The following CCDC171 variants were observed in gnomAD, a reference collection of about 807,000 sequenced individuals.
CCDC171 encodes coiled-coil domain-containing protein 171.
Under a neutral mutation model 168.2 loss-of-function variants are expected in CCDC171, and 177 were observed. The observed-to-expected ratio is 1.05, with a 90% CI of 0.93 to 1.19. CCDC171 has a LOEUF of 1.19. Ranked by LOEUF, CCDC171 falls within the 50% of genes most tolerant of loss-of-function variation. The pLI is 0.00. For missense variants in CCDC171, 1,991 were observed against 1,539.0 expected, an observed-to-expected ratio of 1.29 and a Z score of -4.91; for synonymous variants, 687 against 540.8, an observed-to-expected ratio of 1.27 and a Z score of -3.75.
chr9:15,655,379 C>G (rs2047850618), intron 7 of CCDC171, among the ~76,000 whole-genome samples: 1 of 152,116 alleles, frequency 6.6e-6, no homozygotes, highest in Admixed American at 6.6e-5. Context: ...GCTGGATGTT[C>G]CCATAGTTCT....
intron 21 of CCDC171, among the ~76,000 whole-genome samples, chr9:15,794,354 A>G (rs2058438741): frequency 6.6e-6 from 1 of 152,096 alleles, no homozygotes; most frequent in South Asian, 2.1e-4. Flanking sequence ...AATCCCAGCT[A>G]GTCGGGAGGC....
At chr9:16,082,595 A>T in the CCDC171 span, among the ~76,000 whole-genome samples, 1 of 152,238 alleles carries the variant, frequency 6.6e-6, no homozygotes, top group Non-Finnish European at 1.5e-5. Context: ...ATTTCAAGTA[A>T]TCAAAGTATA....
intron 21 of CCDC171, among the ~76,000 whole-genome samples, chr9:15,792,602 C>A (rs2058326154): frequency 6.6e-6 from 1 of 152,016 alleles, no homozygotes; most frequent in Non-Finnish European, 1.5e-5. Context: ...AAAGGGAAGC[C>A]CATCAGACTA....
intron 24 of CCDC171, among the ~76,000 whole-genome samples, chr9:15,910,526 T>C (rs1434322563): frequency 3.3e-5 from 5 of 152,160 alleles, no homozygotes; most frequent in Non-Finnish European, 1.5e-5. Context: ...TTCTTTTTGC[T>C]TAGGATTGCT....
chr9:15,671,765 A>G (rs560304190), intron 9 of CCDC171, among the ~76,000 whole-genome samples: 1 of 152,194 alleles, frequency 6.6e-6, no homozygotes, highest in African/African-American at 2.4e-5. Flanking sequence ...TCATTGATGG[A>G]CATTTGAGTT....
intron 25 of CCDC171, among the ~76,000 whole-genome samples, chr9:15,938,837 C>G (rs1470393497): frequency 6.6e-6 from 1 of 151,766 alleles, no homozygotes; most frequent in Non-Finnish European, 1.5e-5. Flanking sequence ...TTTTTCTAGT[C>G]TCTACCACTT....
chr9:15,661,114 A>T (rs554022657), intron 8 of CCDC171, among the ~76,000 whole-genome samples: 2 of 152,048 alleles, frequency 1.3e-5, no homozygotes, highest in Non-Finnish European at 2.9e-5. Flanking sequence ...CCCCATCCCT[A>T]CTAAAAATAC....
Position 15,786,909 on chromosome 9 carries a change from A to C in CCDC171, c.3267+2215A>C, listed in dbSNP as rs60119179. On this transcript the variant is annotated intron_variant, in intron 21 of 25. Coordinates refer to ENST00000380701, the MANE Select transcript of CCDC171 (RefSeq NM_173550.4). ...CTTCAACTGTAGCTTTCCACTGCCT[A>C]CCCGAGTCCTACAAAGCTGCCCCTC... Among the ~76,000 whole-genome samples, 574 of 152,064 alleles carry C rather than the reference A, an allele frequency of 3.8e-3. 4 individuals carry two copies. Among genetic ancestry groups the C allele is most frequent in the African/African-American group, 0.013 (543 of 41,488 alleles).
chr9:16,085,316 A>G, the CCDC171 span, among the ~76,000 whole-genome samples: 3 of 152,226 alleles, frequency 2.0e-5, no homozygotes, highest in African/African-American at 7.2e-5. Context: ...GTCTTACGAC[A>G]CTGTTGGAAG....
chr9:15,663,684 C>T (rs1476430476), intron 8 of CCDC171, among the ~76,000 whole-genome samples: 2 of 149,660 alleles, frequency 1.3e-5, no homozygotes, highest in Non-Finnish European at 3.0e-5. Flanking sequence ...TGGCTCACTG[C>T]AAGCTCTGCC....
Position 15,744,457 on chromosome 9 carries a change from C to T in CCDC171, c.2234C>T (p.Ser745Leu). ...AGALYPLYSR[S>L]CALSTQRDFL... ...GCCTTATATCCCCTCTATAGCCGATCATGCGCCTTGTCTACACAGAGAGAT... is the reference window on the plus strand; with the variant it reads ...GCCTTATATCCCCTCTATAGCCGATTATGCGCCTTGTCTACACAGAGAGAT... Residue 745 changes from serine to leucine, a missense_variant, in exon 17 of 26, where the codon TCA becomes TTA. Transcript: ENST00000380701. 1.2e-6 allele frequency: 2 copies of T among 1,614,108 alleles called. No individual in the cohort carries two copies. Among genetic ancestry groups the T allele is most frequent in the African/African-American group, 1.3e-5 (1 of 75,032 alleles).
intron 16 of CCDC171, among the ~76,000 whole-genome samples, chr9:15,741,613 GTTAAT>G (rs2054885328): frequency 1.3e-5 from 2 of 151,992 alleles, no homozygotes; most frequent in South Asian, 4.1e-4. Flanking sequence ...TTTTTTGTAT[GTTAAT>G]TTAATATATT....
At chr9:15,650,462 T>C (rs1227108133) in intron 7 of CCDC171, among the ~76,000 whole-genome samples, 2 of 152,202 alleles carry the variant, frequency 1.3e-5, no homozygotes, top group Non-Finnish European at 2.9e-5. Flanking sequence ...TTCATGTTTT[T>C]AGTTTTCATT....
intron 25 of CCDC171, among the ~76,000 whole-genome samples, chr9:15,940,876 A>C (rs1041545430): frequency 6.6e-6 from 1 of 151,778 alleles, no homozygotes; most frequent in Non-Finnish European, 1.5e-5. Context: ...AAAAAACAAA[A>C]CATAGCGTTA....
Position 15,971,713 on chromosome 9 carries a change from T to A in CCDC171, c.3858T>A (p.Asp1286Glu), listed in dbSNP as rs1332744881. ...GDFLPLKAEL[D>E]TTYTFLKETF... Reference sequence around the variant, plus strand: ...TCTTACCATTGAAAGCTGAACTTGATACTACTTACACTTTCTTAAAGGAGA... The same window carrying A: ...TCTTACCATTGAAAGCTGAACTTGAAACTACTTACACTTTCTTAAAGGAGA... The change falls in exon 26 of 26, where the codon GAT becomes GAA. Residue 1286 changes from aspartate to glutamate, a missense_variant. Physicochemically the swap from Asp to Glu is conservative, Grantham distance 45. Transcript: ENST00000380701. 1.2e-6 allele frequency: 2 copies of A among 1,613,780 alleles called. No homozygotes were observed. Among genetic ancestry groups the A allele is most frequent in the Admixed American group, 1.7e-5 (1 of 59,984 alleles).
chr9:15,979,852 G>A (rs1831739521), intron 3 of CCDC171, among the ~76,000 whole-genome samples: 2 of 151,360 alleles, frequency 1.3e-5, no homozygotes, highest in Non-Finnish European at 2.9e-5. Flanking sequence ...GTTTGGGAAG[G>A]GTTAATGTTA....
intron 21 of CCDC171, among the ~76,000 whole-genome samples, chr9:15,832,207 A>G (rs1484832403): frequency 2.0e-5 from 3 of 152,228 alleles, no homozygotes. Flanking sequence ...TACAGTGGAC[A>G]TTCAAATGGT....
intron 24 of CCDC171, among the ~76,000 whole-genome samples, chr9:15,901,417 T>G (rs1337875658): frequency 6.6e-6 from 1 of 152,174 alleles, no homozygotes; most frequent in Non-Finnish European, 1.5e-5. Flanking sequence ...GGTATTGATA[T>G]GAAAGAGGGT....
intron 21 of CCDC171, among the ~76,000 whole-genome samples, chr9:15,837,805 A>G (rs763659989): frequency 1.3e-5 from 2 of 152,192 alleles, no homozygotes; most frequent in Non-Finnish European, 2.9e-5. Flanking sequence ...AATAACTTTC[A>G]TGGTTTATTG....
Sources: gnomAD v4.1 joint callset for allele counts (sites outside exome capture counted in the v4.1 genomes callset) on GRCh38, gnomAD v4.1.1 for gene constraint, MANE v1.5 for transcripts, NCBI Gene and HGNC (gene_info 2026-07-23, HGNC 2026-07-21) for gene names.